Variants in STRADA observed in about 807,000 individuals in gnomAD.
The protein encoded by STRADA is STE20 related adaptor alpha, also known as STE20-related kinase adapter protein alpha.
STRADA carries 26 observed loss-of-function variants against 55.0 expected under a neutral mutation model. The observed-to-expected ratio is 0.47, with a 90% CI of 0.35 to 0.66. The LOEUF (loss-of-function observed/expected upper bound fraction) is 0.66. Among genes scored for constraint, STRADA ranks in the 30% least tolerant of loss-of-function variants. The pLI, the probability that STRADA is intolerant of heterozygous loss-of-function variation, is 0.01. For missense variants in STRADA, 443 were observed against 549.7 expected, an observed-to-expected ratio of 0.81 and a Z score of 1.94; for synonymous variants, 197 against 210.9, an observed-to-expected ratio of 0.93 and a Z score of 0.57.
intron 2 of STRADA, chr17:63,726,970 T>G: frequency 2.2e-6 from 1 of 457,952 alleles, no homozygotes; most frequent in Admixed American, 4.0e-5. Context: ...GTTTTTGCCT[T>G]CCCTATATTG....
intron 1 of STRADA, among the ~76,000 whole-genome samples, chr17:63,740,378 G>A (rs2038853670): frequency 6.6e-6 from 1 of 151,626 alleles, no homozygotes; most frequent in Admixed American, 6.6e-5. Flanking sequence ...CAGGTGTGGT[G>A]GGGGGTGCCT....
At chr17:63,729,076 GTCTC>G (rs1202152927) in intron 1 of STRADA, among the ~76,000 whole-genome samples, 4 of 151,926 alleles carry the variant, frequency 2.6e-5, no homozygotes, top group South Asian at 4.2e-4. Context: ...TAGAGACAGG[GTCTC>G]TCTATGTGGC....
In STRADA at chr17:63,703,491, C is replaced by T; in HGVS notation, c.*108G>A. 1.8e-6 allele frequency: 2 copies of T among 1,099,938 alleles called. No homozygotes were observed. The highest frequency in any genetic ancestry group is 2.6e-6 in the Non-Finnish European group (2 of 778,142). 68.1% of individuals were successfully genotyped at this position (1,099,938 alleles called of 1,614,324 possible). On this transcript the variant is annotated 3_prime_UTR_variant, in exon 13 of 13. Coordinates refer to ENST00000336174, the MANE Select transcript of STRADA (RefSeq NM_001003787.4). ...CAGTCAACTTTCCTGGAAGAATGTC[C>T]TTTCTACCCAATCTGCCCAGGAGGG...
chr17:63,719,292 G>A (rs1312527737), intron 4 of STRADA, among the ~76,000 whole-genome samples: 2 of 152,166 alleles, frequency 1.3e-5, no homozygotes, highest in Non-Finnish European at 2.9e-5. Context: ...TTTTTCAGTA[G>A]GTAACAATAT....
intron 4 of STRADA, chr17:63,714,311 G>A (rs2036713256): frequency 1.9e-6 from 1 of 533,144 alleles, no homozygotes; most frequent in African/African-American, 1.9e-5. Context: ...AAGTGTTAGG[G>A]TTGTCTACAA....
At chr17:63,707,448 G>T in intron 8 of STRADA, 30 bp from the exon 9 acceptor site, 1 of 1,606,298 alleles carries the variant, frequency 6.2e-7, no homozygotes, top group South Asian at 1.1e-5. Context: ...GTCATGTCGA[G>T]AGCAGGAGCC....
rs2036686345 is a variant in STRADA at position 63,714,056 on chromosome 17, A to C, written c.176T>G (p.Met59Arg). ...CCCTCCCTCTGGCAGAAAGCTACTCATGACCTCCTGTTTAGAGAAGGATGC... is the reference window on the plus strand; with the variant it reads ...CCCTCCCTCTGGCAGAAAGCTACTCCTGACCTCCTGTTTAGAGAAGGATGC... ...SIASFSKQEV[M>R]SSFLPEGGCY... Residue 59 changes from methionine to arginine, a missense_variant, in exon 5 of 13, where the codon ATG becomes AGG. Transcript: ENST00000336174. 1 of 1,613,648 alleles carries C rather than the reference A, an allele frequency of 6.2e-7. No homozygotes were observed. The highest frequency in any genetic ancestry group is 8.5e-7 in the Non-Finnish European group (1 of 1,179,696).
In STRADA at chr17:63,726,621, T is replaced by C; in HGVS notation, c.94+17A>G. 1.2e-6 allele frequency: 2 copies of C among 1,611,692 alleles called. No homozygotes were observed. The highest frequency in any genetic ancestry group is 1.7e-6 in the Non-Finnish European group (2 of 1,178,826). On this transcript the variant is annotated intron_variant, in intron 3 of 12. Coordinates refer to ENST00000336174, the MANE Select transcript of STRADA (RefSeq NM_001003787.4). ...TTTATATCCTGAAGTGATGGCTAAA[T>C]GCCATACTGTACTTACCTCCAAATA...
At chr17:63,725,275 T>C (rs2037568749) in intron 3 of STRADA, among the ~76,000 whole-genome samples, 1 of 152,104 alleles carries the variant, frequency 6.6e-6, no homozygotes. Context: ...AAAAAACCTA[T>C]CTGGGCGTAT....
intron 4 of STRADA, among the ~76,000 whole-genome samples, chr17:63,721,224 T>C (rs1219433459): frequency 6.6e-6 from 1 of 151,084 alleles, no homozygotes; most frequent in Non-Finnish European, 1.5e-5. Flanking sequence ...GTATAAAAAT[T>C]AGCTGGGCGT....
chr17:63,712,918 T>C (rs1380853306), intron 6 of STRADA, among the ~76,000 whole-genome samples: 1 of 151,608 alleles, frequency 6.6e-6, no homozygotes, highest in African/African-American at 2.4e-5. Context: ...GGAGAATCGC[T>C]TGAACCTGGG....
chr17:63,730,833 T>C (rs1403221630), intron 1 of STRADA, among the ~76,000 whole-genome samples: 3 of 152,078 alleles, frequency 2.0e-5, no homozygotes, highest in Non-Finnish European at 4.4e-5. Flanking sequence ...AGTGTTGGGA[T>C]TACAGGTGCG....
chr17:63,711,014 G>T (rs2063246447), intron 6 of STRADA, 178 bp from the exon 7 acceptor site: 2 of 603,306 alleles, frequency 3.3e-6, no homozygotes, highest in Non-Finnish European at 5.8e-6. Context: ...TGCTGCCTCT[G>T]CAGGGACCCA....
chr17:63,740,435 C>T (rs1026199812), intron 1 of STRADA, among the ~76,000 whole-genome samples: 2 of 151,826 alleles, frequency 1.3e-5, no homozygotes, highest in Non-Finnish European at 2.9e-5. Context: ...CTGCTTGTAC[C>T]AAGGAGGCCG....
intron 6 of STRADA, 133 bp from the exon 7 acceptor site, chr17:63,710,969 A>G: frequency 1.3e-6 from 1 of 753,648 alleles, no homozygotes; most frequent in Non-Finnish European, 2.1e-6. Context: ...GAACAGCCTA[A>G]GCAGGTGCCT....
chr17:63,741,941 C>A (rs987673891), upstream of STRADA: 7 of 152,318 alleles, frequency 4.6e-5, no homozygotes, highest in Admixed American at 2.0e-4. Flanking sequence ...GCCGCGGCTG[C>A]GGCAGGCCCT....
intron 12 of STRADA, 73 bp from the exon 13 acceptor site, chr17:63,703,824 A>G: frequency 1.9e-6 from 3 of 1,609,344 alleles, no homozygotes; most frequent in Non-Finnish European, 2.5e-6. Context: ...GCAAGGAACC[A>G]TGGCCTGGTG....
At chr17:63,716,435 G>C (rs1477383420) in intron 4 of STRADA, among the ~76,000 whole-genome samples, 1 of 151,960 alleles carries the variant, frequency 6.6e-6, no homozygotes, top group Non-Finnish European at 1.5e-5. Context: ...CCAACACTTG[G>C]TATTTTCAGA....
chr17:63,707,420 T>C lies in STRADA; in HGVS notation c.582-2A>G, dbSNP rs776363905. 1.2e-6 allele frequency: 2 copies of C among 1,611,948 alleles called. No individual in the cohort carries two copies. Among genetic ancestry groups the C allele is most frequent in the African/African-American group, 2.7e-5 (2 of 74,894 alleles). On this transcript the variant is annotated splice_acceptor_variant, in intron 8 of 12. Transcript: ENST00000336174. LOFTEE classifies it high-confidence loss of function. ...AGGATGTGGCTGGCTTTGACACTCCTGGGGAAGCGGGGAGGGTGTCATGTC... is the reference window on the plus strand; with the variant it reads ...AGGATGTGGCTGGCTTTGACACTCCCGGGGAAGCGGGGAGGGTGTCATGTC...
Sources: gnomAD v4.1 joint callset for allele counts (sites outside exome capture counted in the v4.1 genomes callset) on GRCh38, gnomAD v4.1.1 for gene constraint, MANE v1.5 for transcripts, NCBI Gene and HGNC (gene_info 2026-07-23, HGNC 2026-07-21) for gene names.